The following MLXIPL variants were observed in gnomAD, a reference collection of about 807,000 sequenced individuals.
The protein encoded by MLXIPL is carbohydrate-responsive element-binding protein.
A neutral mutation model predicts 81.5 loss-of-function variants in MLXIPL; 49 were observed. The observed-to-expected ratio is 0.60, with a 90% CI of 0.48 to 0.76. MLXIPL has a LOEUF of 0.76. Among genes scored for constraint, MLXIPL ranks in the 30% least tolerant of loss-of-function variants. The probability of loss-of-function intolerance (pLI) is 0.00; values close to 1 mark genes in which losing one functional copy is unlikely to be tolerated. For missense variants in MLXIPL, 1,053 were observed against 1,167.0 expected (o/e 0.90, Z 1.42); for synonymous variants, 466 against 485.5 (o/e 0.96, Z 0.53).
intron 2 of MLXIPL, among the ~76,000 whole-genome samples, chr7:73,615,137 G>A (rs1002709037): frequency 6.6e-6 from 1 of 152,142 alleles, no homozygotes; most frequent in African/African-American, 2.4e-5. Context: ...CAAGTTCAGA[G>A]AGGCTAGGCA....
In MLXIPL at chr7:73,607,401, T is replaced by C; in HGVS notation, c.503A>G (p.Asn168Ser). The change falls in exon 4 of 17, where the codon AAC becomes AGC. Residue 168 changes from asparagine (N) to serine (S), a missense_variant. By Grantham distance (46) the Asn-to-Ser change is conservative (BLOSUM62 1). Coordinates refer to ENST00000313375, the MANE Select transcript of MLXIPL (RefSeq NM_032951.3). ...RKPEAVVLEGNYWKRRIEVVM... is the reference protein window; with the variant it reads ...RKPEAVVLEGSYWKRRIEVVM... ...CACCTCGATGCGCCGCTTCCAGTAG[T>C]TCCCCTCCAGGACCACGGCCTGGGG... is the stretch of plus-strand genomic sequence containing the variant. The C allele has an allele frequency of 1.3e-6, 2 of 1,559,760 alleles. No homozygotes were observed. Among genetic ancestry groups the C allele is most frequent in the Non-Finnish European group, 1.7e-6 (2 of 1,151,392 alleles).
At position 73,599,534 on chromosome 7, in the gene MLXIPL, G is replaced by T; in HGVS notation, c.1063C>A (p.Arg355Ser). Residue 355 changes from arginine to serine, a missense_variant, in exon 8 of 17, where the codon CGT (arginine) becomes AGT (serine). Coordinates refer to ENST00000313375, the MANE Select transcript of MLXIPL (RefSeq NM_032951.3). ...SAMTHLSGHS[R>S]LQARNSCPGP... is the part of the protein sequence containing the mutation. ...GGGTGGGGTGAGCTCACCTGCAGAC[G>T]GCTGTGTCCAGAGAGGTGGGTCATG... The T allele has an allele frequency of 4.3e-6, 7 of 1,612,888 alleles. No individual in the cohort carries two copies. The highest frequency in any genetic ancestry group is 5.9e-6 in the Non-Finnish European group (7 of 1,179,738).
In MLXIPL at chr7:73,593,808, G is replaced by A. The variant is rs959858799; in HGVS notation, c.*57C>T. The A allele has an allele frequency of 1.1e-5, 15 of 1,427,850 alleles. No homozygotes were observed. The highest frequency in any genetic ancestry group is 2.3e-5 in the East Asian group (1 of 43,904). 88.4% of individuals were successfully genotyped at this position (1,427,850 alleles called of 1,614,324 possible). A position where few individuals can be genotyped will look rare whatever the true frequency, so the allele number is the denominator to read the frequency against. ...TGCCCAGAGATGATCCCTGGAGCCC[G>A]TGCCCAGGGAAAGCAGCCCCCAGGG... is the stretch of plus-strand genomic sequence containing the variant. On this transcript the variant is annotated 3_prime_UTR_variant, in exon 17 of 17. Coordinates refer to ENST00000313375, the MANE Select transcript of MLXIPL (RefSeq NM_032951.3).
chr7:73,637,617 C>T, the MLXIPL span, among the ~76,000 whole-genome samples: 1 of 152,118 alleles, frequency 6.6e-6, no homozygotes, highest in Non-Finnish European at 1.5e-5. Flanking sequence ...AGAGCAAGGA[C>T]CATGGTCCCC....
At chr7:73,604,508 G>C (rs997299670) in intron 7 of MLXIPL, among the ~76,000 whole-genome samples, 4 of 151,928 alleles carry the variant, frequency 2.6e-5, no homozygotes, top group Non-Finnish European at 5.9e-5. Flanking sequence ...GGGAGGTTGA[G>C]GCTGCAGTGA....
Position 73,607,783 on chromosome 7 carries a change from T to A in MLXIPL, c.401-111A>T, listed in dbSNP as rs536551030. The A allele has an allele frequency of 3.5e-6, 3 of 860,338 alleles. No individual in the cohort carries two copies. In the South Asian group the frequency reaches 4.7e-5, roughly 14 times the overall value. 53.3% of individuals were successfully genotyped at this position (860,338 alleles called of 1,614,324 possible). On this transcript the variant is annotated intron_variant, in intron 2 of 16. Transcript: ENST00000313375. ...CGAAATCCTGCTTGGCCTTTGACGT[T>A]CAGATTAAGTGCCCATGCTGCCTCC... is the stretch of plus-strand genomic sequence containing the variant.
the MLXIPL span, among the ~76,000 whole-genome samples, chr7:73,641,531 C>T: frequency 2.6e-5 from 4 of 152,142 alleles, no homozygotes; most frequent in Admixed American, 6.5e-5. Context: ...GTAAAAATTC[C>T]GATAGCCACC....
intron 1 of MLXIPL, among the ~76,000 whole-genome samples, chr7:73,620,720 C>T (rs1429599699): frequency 4.7e-5 from 7 of 149,410 alleles, no homozygotes; most frequent in Admixed American, 2.0e-4. Context: ...CCAGCCTGGG[C>T]GACAGAGTGA....
rs1358292547 is a variant in MLXIPL at position 73,624,366 on chromosome 7, G to A, written c.127C>T (p.Arg43Cys). The A allele has an allele frequency of 5.7e-6, 9 of 1,578,392 alleles. No homozygotes were observed. The highest frequency in any genetic ancestry group is 7.7e-6 in the Non-Finnish European group (9 of 1,166,632). ...SLRRSAGGLL[R>C]SQVIHSGHFM... is the part of the protein sequence containing the mutation. ...TGACCGCTGTGGATGACCTGCGAGC[G>A]GAGCAAGCCGCCCGCGCTGCGCCGG... The change falls in exon 1 of 17, where the codon CGC becomes TGC. Residue 43 changes from arginine to cysteine, a missense_variant. Transcript: ENST00000313375.
In MLXIPL at chr7:73,599,570, C is replaced by T; in HGVS notation, c.1027G>A (p.Ala343Thr). The change falls in exon 8 of 17, where the codon GCT becomes ACT. Residue 343 changes from alanine to threonine, a missense_variant. Physicochemically the swap from Ala to Thr is moderately conservative, Grantham distance 58. Coordinates refer to ENST00000313375, the MANE Select transcript of MLXIPL (RefSeq NM_032951.3). ...GAGAGGTGGGTCATGGCCGAGGAAG[C>T]CGGGGGCACCTCTGGGCCCAGGGTC... ...SGTLGPEVPP[A>T]SSAMTHLSGH... is the part of the protein sequence containing the mutation. 6.2e-7 allele frequency: 1 copy of T among 1,612,628 alleles called. No homozygotes were observed. Among genetic ancestry groups the T allele is most frequent in the Non-Finnish European group, 8.5e-7 (1 of 1,179,364 alleles).
the MLXIPL span, among the ~76,000 whole-genome samples, chr7:73,644,214 T>G: frequency 4.4e-5 from 6 of 136,224 alleles, no homozygotes; most frequent in East Asian, 1.2e-3. Context: ...TGGTTTTGTC[T>G]TTTTTTTTTT....
the MLXIPL span, among the ~76,000 whole-genome samples, chr7:73,638,742 C>G: frequency 6.6e-6 from 1 of 152,018 alleles, no homozygotes; most frequent in African/African-American, 2.4e-5. Context: ...CCTGCCTCAG[C>G]CTCCCTAGTA....
intron 3 of MLXIPL, 50 bp from the exon 4 acceptor site, chr7:73,607,470 C>T (rs1433594459): frequency 7.9e-6 from 12 of 1,517,936 alleles, no homozygotes; most frequent in Admixed American, 1.9e-5. Flanking sequence ...GAGCACCGCA[C>T]ACCCATCTCC....
At chr7:73,606,405 T>C (rs1315924475) in intron 5 of MLXIPL, 16 of 501,258 alleles carry the variant, frequency 3.2e-5, no homozygotes, top group Non-Finnish European at 4.9e-5. Context: ...GTTTTTTTTT[T>C]TGTTTGTTTT....
chr7:73,601,824 G>A (rs75884178), intron 7 of MLXIPL, among the ~76,000 whole-genome samples: 16 of 152,170 alleles, frequency 1.1e-4, no homozygotes, highest in Non-Finnish European at 1.8e-4. Context: ...GAGTCACCGC[G>A]CCCGGCCCTG....
At chr7:73,612,645 A>G (rs74469536) in intron 2 of MLXIPL, among the ~76,000 whole-genome samples, 1 of 149,542 alleles carries the variant, frequency 6.7e-6, no homozygotes, top group Non-Finnish European at 1.5e-5. Flanking sequence ...CCCATCTCAA[A>G]AAAAAAAAAA....
At chr7:73,613,676 T>G (rs147472312) in intron 2 of MLXIPL, among the ~76,000 whole-genome samples, 44 of 152,296 alleles carry the variant, frequency 2.9e-4, no homozygotes, top group African/African-American at 1.0e-3. Flanking sequence ...TCCGGGAGGC[T>G]AGAGAATTTC....
At position 73,623,719 on chromosome 7, in the gene MLXIPL, G is replaced by A. The variant is rs1397643791; in HGVS notation, c.293+481C>T. 6.6e-6 allele frequency among the ~76,000 whole-genome samples: 1 copy of A among 152,162 alleles called. No homozygotes were observed. The highest frequency in any genetic ancestry group is 2.4e-5 in the African/African-American group (1 of 41,448). ...ATGAACTGGGACAATCAGGGGCGCT[G>A]GGAGTATCTCAGGGTCCAGGAATAG... is the stretch of plus-strand genomic sequence containing the variant. On this transcript the variant is annotated intron_variant, in intron 1 of 16. Coordinates refer to ENST00000313375, the MANE Select transcript of MLXIPL (RefSeq NM_032951.3). The surrounding 1 kb of genome is among the most constrained non-coding windows in gnomAD (Gnocchi z 5.7).
chr7:73,620,846 T>G (rs1796302755), intron 1 of MLXIPL, among the ~76,000 whole-genome samples: 2 of 151,666 alleles, frequency 1.3e-5, no homozygotes, highest in African/African-American at 2.4e-5. Flanking sequence ...AGGTCAGGGG[T>G]TCGAGACCAG....
Sources: gnomAD v4.1 joint callset for allele counts (sites outside exome capture counted in the v4.1 genomes callset) on GRCh38, gnomAD v4.1.1 for gene constraint, Gnocchi (gnomAD v3.1) non-coding constraint, MANE v1.5 for transcripts, NCBI Gene and HGNC (gene_info 2026-07-23, HGNC 2026-07-21) for gene names.